The following FAM219A variants were observed in gnomAD, a reference collection of about 807,000 sequenced individuals.
FAM219A encodes family with sequence similarity 219 member A.
Under a neutral mutation model 23.4 loss-of-function variants are expected in FAM219A, and 7 were observed. That is an observed-to-expected ratio of 0.30 (90% CI 0.17 to 0.56). The LOEUF (loss-of-function observed/expected upper bound fraction) is 0.56. FAM219A is among the 20% of genes least tolerant of loss of function. The probability of loss-of-function intolerance (pLI) is 0.92; values close to 1 mark genes in which losing one functional copy is unlikely to be tolerated. For missense variants in FAM219A, 166 were observed against 246.9 expected (o/e 0.67, Z 2.20); for synonymous variants, 93 against 99.0 (o/e 0.94, Z 0.36).
intron 2 of FAM219A, 42 bp from the exon 3 acceptor site, chr9:34,402,849 G>A: frequency 6.3e-7 from 1 of 1,591,526 alleles, no homozygotes; most frequent in Non-Finnish European, 8.6e-7. Flanking sequence ...CTGCCCCTGA[G>A]GCCACCCTGT....
At chr9:34,429,835 T>A (rs1022287856) in intron 1 of FAM219A, among the ~76,000 whole-genome samples, 25 of 152,208 alleles carry the variant, frequency 1.6e-4, no homozygotes, top group Admixed American at 9.2e-4. Context: ...GCTTCAGGCC[T>A]TGAAACCTGC....
At chr9:34,444,460 T>C (rs564789284) in intron 1 of FAM219A, among the ~76,000 whole-genome samples, 194 of 152,258 alleles carry the variant, frequency 1.3e-3, no homozygotes, top group African/African-American at 4.4e-3. Context: ...AAACTAAGTT[T>C]TTTCCTCATT....
intron 1 of FAM219A, among the ~76,000 whole-genome samples, chr9:34,423,696 A>G (rs1204517528): frequency 3.3e-5 from 5 of 152,198 alleles, no homozygotes; most frequent in African/African-American, 1.2e-4. Flanking sequence ...ATTAAACTGG[A>G]GGCAGGGAGG....
At chr9:34,442,680 G>A (rs1396655886) in intron 1 of FAM219A, among the ~76,000 whole-genome samples, 8 of 120,846 alleles carry the variant, frequency 6.6e-5, no homozygotes, top group African/African-American at 2.6e-4. Flanking sequence ...GACAGACTCC[G>A]TCTCAAAAAA....
At chr9:34,412,043 T>TA (rs1821842176) in intron 1 of FAM219A, among the ~76,000 whole-genome samples, 4 of 152,114 alleles carry the variant, frequency 2.6e-5, no homozygotes, top group Admixed American at 2.6e-4. Context: ...AAGGTGGGCT[T>TA]TGATTTTTTT....
intron 1 of FAM219A, among the ~76,000 whole-genome samples, chr9:34,455,914 C>T (rs1341973030): frequency 2.0e-5 from 3 of 152,246 alleles, no homozygotes; most frequent in Middle Eastern, 3.4e-3. Flanking sequence ...ATTCTCAGGC[C>T]GGGCATAGCA....
At chr9:34,421,009 T>TGAGAGAGAGAGA (rs143749316) in intron 1 of FAM219A, among the ~76,000 whole-genome samples, 946 of 86,388 alleles carry the variant, frequency 0.011, 17 homozygotes, top group Middle Eastern at 0.025. Context: ...TGTGTGTGTG[T>TGAGAGAGAGAGA]GAGAGAGAGA....
chr9:34,440,677 C>T (rs997694460), intron 1 of FAM219A, among the ~76,000 whole-genome samples: 4 of 151,848 alleles, frequency 2.6e-5, no homozygotes, highest in Admixed American at 2.6e-4. Flanking sequence ...GGTGAAACCC[C>T]GTCTCTACTA....
rs148571985 is a variant in FAM219A at position 34,417,197 on chromosome 9, C to T, written c.61-11233G>A. 2.8e-4 allele frequency among the ~76,000 whole-genome samples: 43 copies of T among 152,182 alleles called. No homozygotes were observed. The East Asian group carries it at 4.4e-3, about 16-fold the overall frequency. The stretch of plus-strand genomic sequence containing the variant: ...GAGTACCTGGGATTACAGGCATGCA[C>T]AACCATATCTGGCTAATTTTTGTAT... On this transcript the variant is annotated intron_variant, in intron 1 of 5. Coordinates refer to ENST00000651358, the MANE Select transcript of FAM219A (RefSeq NM_001184940.2). The surrounding 1 kb of genome is among the most constrained non-coding windows in gnomAD (Gnocchi z 4.1).
chr9:34,439,948 G>C (rs920049996), intron 1 of FAM219A, among the ~76,000 whole-genome samples: 1 of 152,180 alleles, frequency 6.6e-6, no homozygotes, highest in Non-Finnish European at 1.5e-5. Flanking sequence ...GGATAAAAGG[G>C]ATAGGGCTTC....
At chr9:34,422,168 G>A (rs543837437) in intron 1 of FAM219A, among the ~76,000 whole-genome samples, 15 of 152,242 alleles carry the variant, frequency 9.9e-5, no homozygotes, top group African/African-American at 3.4e-4. Context: ...GGAGTTGTTC[G>A]GAACAATTTA....
chr9:34,402,572 C>G, intron 3 of FAM219A, 105 bp from the exon 4 acceptor site: 1 of 1,564,658 alleles, frequency 6.4e-7, no homozygotes, highest in East Asian at 2.2e-5. Context: ...CCCTCCCCAC[C>G]TTGGATCCTG....
At chr9:34,420,603 AG>A (rs1393620612) in intron 1 of FAM219A, among the ~76,000 whole-genome samples, 1 of 152,138 alleles carries the variant, frequency 6.6e-6, no homozygotes, top group Non-Finnish European at 1.5e-5. Flanking sequence ...AAGGGTCAAG[AG>A]GCTCTAGGTG....
chr9:34,441,574 C>T (rs1823175230), intron 1 of FAM219A, among the ~76,000 whole-genome samples: 1 of 152,060 alleles, frequency 6.6e-6, no homozygotes, highest in African/African-American at 2.4e-5. Context: ...GGAGAGAGGG[C>T]CCGAGACCAG....
chr9:34,401,200 T>C (rs1478593829), intron 5 of FAM219A, 78 bp from the exon 6 acceptor site: 2 of 1,529,944 alleles, frequency 1.3e-6, no homozygotes, highest in East Asian at 2.3e-5. Flanking sequence ...CTCCAGGCCG[T>C]CTGCGCCCCA....
chr9:34,422,757 G>A (rs1275765354), intron 1 of FAM219A, among the ~76,000 whole-genome samples: 1 of 152,176 alleles, frequency 6.6e-6, no homozygotes, highest in Non-Finnish European at 1.5e-5. Context: ...GGAGACAAAA[G>A]AAGAGGGCAG....
chr9:34,440,191 T>G (rs1272276286), intron 1 of FAM219A, among the ~76,000 whole-genome samples: 1 of 152,196 alleles, frequency 6.6e-6, no homozygotes, highest in Non-Finnish European at 1.5e-5. Context: ...GCACAGCTGG[T>G]CCCTAGCTAG....
At chr9:34,451,583 T>C (rs993724159) in intron 1 of FAM219A, among the ~76,000 whole-genome samples, 1 of 152,070 alleles carries the variant, frequency 6.6e-6, no homozygotes. Context: ...GGTGAGAGGG[T>C]CCCTGAGACT....
chr9:34,441,471 T>C (rs1352398069), intron 1 of FAM219A, among the ~76,000 whole-genome samples: 1 of 152,144 alleles, frequency 6.6e-6, no homozygotes, highest in African/African-American at 2.4e-5. Context: ...GTGGGATACA[T>C]GTGGTCTGAA....
Sources: allele counts gnomAD v4.1 joint callset (sites outside exome capture counted in the v4.1 genomes callset), GRCh38; gene constraint gnomAD v4.1.1; non-coding constraint Gnocchi (gnomAD v3.1); transcripts MANE v1.5; gene names NCBI Gene and HGNC (gene_info 2026-07-23, HGNC 2026-07-21).